XRCC4: variants seen among roughly 807,000 people sequenced by gnomAD.
The protein encoded by XRCC4 is DNA repair protein XRCC4.
XRCC4 carries 28 observed loss-of-function variants against 39.1 expected under a neutral mutation model. That is an observed-to-expected ratio of 0.72 (90% confidence interval 0.53 to 0.98). The LOEUF is 0.98. Among genes scored for constraint, XRCC4 ranks in the 50% least tolerant of loss-of-function variants. The pLI is 0.00. For missense variants in XRCC4, 350 were observed against 376.4 expected, an observed-to-expected ratio of 0.93 and a Z score of 0.58; for synonymous variants, 123 against 126.4, an observed-to-expected ratio of 0.97 and a Z score of 0.18.
At chr5:83,131,476 G>T (rs1747578357) in intron 3 of XRCC4, among the ~76,000 whole-genome samples, 1 of 152,152 alleles carries the variant, frequency 6.6e-6, no homozygotes, top group South Asian at 2.1e-4. Flanking sequence ...TTGACAGTGG[G>T]GTGTTAAAGT....
intron 1 of XRCC4, among the ~76,000 whole-genome samples, chr5:83,080,299 G>C (rs1744877184): frequency 6.6e-6 from 1 of 152,132 alleles, no homozygotes; most frequent in Non-Finnish European, 1.5e-5. Context: ...GACCAAGGCG[G>C]GCAGATCACT....
chr5:83,133,697 G>GCC (rs1747727911), intron 3 of XRCC4, among the ~76,000 whole-genome samples: 1 of 152,160 alleles, frequency 6.6e-6, no homozygotes. Context: ...CCAGGCGTGG[G>GCC]ATATAATCTC....
At chr5:83,137,151 T>A (rs1434859013) in intron 3 of XRCC4, among the ~76,000 whole-genome samples, 2 of 152,168 alleles carry the variant, frequency 1.3e-5, no homozygotes, top group Non-Finnish European at 2.9e-5. Context: ...ATCTAAGATA[T>A]TTTAGGAACA....
At chr5:83,202,534 T>C (rs920095933) in intron 4 of XRCC4, among the ~76,000 whole-genome samples, 7 of 152,184 alleles carry the variant, frequency 4.6e-5, no homozygotes, top group African/African-American at 1.7e-4. Flanking sequence ...CTATCTAATT[T>C]GGACATTTGT....
At chr5:83,093,279 C>T (rs1306184793) in intron 1 of XRCC4, among the ~76,000 whole-genome samples, 1 of 152,098 alleles carries the variant, frequency 6.6e-6, no homozygotes, top group Non-Finnish European at 1.5e-5. Flanking sequence ...ATTATAAATA[C>T]ATATGTACCC....
chr5:83,168,026 G>T (rs1291110637), intron 3 of XRCC4, among the ~76,000 whole-genome samples: 2 of 151,930 alleles, frequency 1.3e-5, no homozygotes, highest in Non-Finnish European at 2.9e-5. Flanking sequence ...GAAAATAAAC[G>T]CAGAAAATAG....
intron 7 of XRCC4, among the ~76,000 whole-genome samples, chr5:83,263,596 T>G (rs1304728395): frequency 1.3e-5 from 2 of 151,430 alleles, no homozygotes; most frequent in Admixed American, 6.6e-5. Flanking sequence ...TGATGGCCAG[T>G]GATGATGAGC....
At chr5:83,287,573 T>G (rs1488181975) in intron 7 of XRCC4, among the ~76,000 whole-genome samples, 2 of 151,968 alleles carry the variant, frequency 1.3e-5, no homozygotes, top group Admixed American at 1.3e-4. Flanking sequence ...TCGTAAAATC[T>G]TCATGATACA....
the XRCC4 span, among the ~76,000 whole-genome samples, chr5:83,361,162 T>C: frequency 1.3e-5 from 2 of 152,296 alleles, no homozygotes; most frequent in East Asian, 3.9e-4. Flanking sequence ...AGCAGCACAG[T>C]ACCTGGTGCA....
At chr5:83,269,196 T>C (rs1204281457) in intron 7 of XRCC4, among the ~76,000 whole-genome samples, 1 of 152,098 alleles carries the variant, frequency 6.6e-6, no homozygotes, top group African/African-American at 2.4e-5. Flanking sequence ...GACTGAAAAT[T>C]TGGCATTACA....
intron 1 of XRCC4, among the ~76,000 whole-genome samples, chr5:83,088,673 A>T (rs926516808): frequency 4.6e-5 from 7 of 151,856 alleles, no homozygotes; most frequent in African/African-American, 9.7e-5. Context: ...TTAAAAATAA[A>T]TTTTTTTTTC....
chr5:83,116,173 AG>A (rs1463588216), intron 3 of XRCC4, among the ~76,000 whole-genome samples: 3 of 152,236 alleles, frequency 2.0e-5, no homozygotes, highest in African/African-American at 7.2e-5. Flanking sequence ...AAAATTGAGA[AG>A]GAGTTTGTAA....
intron 3 of XRCC4, among the ~76,000 whole-genome samples, chr5:83,130,720 T>G (rs140729726): frequency 0.018 from 2,696 of 152,280 alleles, 70 homozygotes; most frequent in African/African-American, 0.062. Context: ...GTCGAGGAAT[T>G]TATCCATTTC....
intron 7 of XRCC4, among the ~76,000 whole-genome samples, chr5:83,294,692 T>C (rs1755034978): frequency 6.6e-6 from 1 of 151,988 alleles, no homozygotes; most frequent in African/African-American, 2.4e-5. Context: ...AAAACTAACA[T>C]AGTTATGGTT....
intron 6 of XRCC4, among the ~76,000 whole-genome samples, chr5:83,210,063 A>T (rs929981220): frequency 1.3e-5 from 2 of 152,166 alleles, no homozygotes; most frequent in African/African-American, 4.8e-5. Context: ...ATGAATGGCT[A>T]TGTCCAACAG....
chr5:83,228,366 A>G (rs752214240), intron 6 of XRCC4, among the ~76,000 whole-genome samples: 1 of 152,032 alleles, frequency 6.6e-6, no homozygotes, highest in Non-Finnish European at 1.5e-5. Flanking sequence ...ACTTGCAGGA[A>G]AAACCATGTG....
At chr5:83,200,628 A>G (rs1214740871) in intron 4 of XRCC4, among the ~76,000 whole-genome samples, 1 of 152,202 alleles carries the variant, frequency 6.6e-6, no homozygotes. Flanking sequence ...TCATTCAATC[A>G]AGAATTATTG....
chr5:83,168,104 AAGATTCT>A (rs1749565817), intron 3 of XRCC4, among the ~76,000 whole-genome samples: 1 of 152,336 alleles, frequency 6.6e-6, no homozygotes, highest in South Asian at 2.1e-4. Flanking sequence ...CTACAGTTAA[AAGATTCT>A]AGATTCTATA....
chr5:83,322,940 G>A (rs1207903749), intron 7 of XRCC4, among the ~76,000 whole-genome samples: 5 of 152,186 alleles, frequency 3.3e-5, no homozygotes, highest in Non-Finnish European at 2.9e-5. Flanking sequence ...TGTCACAGCA[G>A]TCATAGGAAA....
Sources: gnomAD v4.1 joint callset for allele counts (sites outside exome capture counted in the v4.1 genomes callset) on GRCh38, gnomAD v4.1.1 for gene constraint, MANE v1.5 for transcripts, NCBI Gene and HGNC (gene_info 2026-07-23, HGNC 2026-07-21) for gene names.